ATP8B1: variants seen among roughly 807,000 people sequenced by gnomAD.
ATP8B1 encodes phospholipid-transporting ATPase IC.
Under a neutral mutation model 149.9 loss-of-function variants are expected in ATP8B1, and 80 were observed. The ratio of observed to expected loss-of-function variants is 0.53; its 90% CI spans 0.45 to 0.64. The LOEUF is 0.64. Ranked by LOEUF, ATP8B1 falls within the 30% of genes least tolerant of loss-of-function variation. The probability of loss-of-function intolerance (pLI) is 0.00; values close to 1 mark genes in which losing one functional copy is unlikely to be tolerated. For synonymous variants in ATP8B1, 536 were observed against 562.8 expected (o/e 0.95, Z 0.67); for missense variants, 1,247 against 1,552.6 (o/e 0.80, Z 3.31).
At position 57,769,488 on chromosome 18, in the gene ATP8B1, C is replaced by G. The variant is rs565888058; in HGVS notation, c.-26+33510G>C. ...AAAATCAAGACCCACCAGCAAGAAA[C>G]TCAGTGCAAGGCTCCTTGGAGGTGC... On this transcript the variant is annotated intron_variant, in intron 1 of 27. Coordinates refer to ENST00000648908, the MANE Select transcript of ATP8B1 (RefSeq NM_001374385.1). Among the ~76,000 whole-genome samples the G allele has an allele frequency of 6.6e-5, 10 of 152,324 alleles. No homozygotes were observed. The South Asian group carries it at 2.1e-3, about 32-fold the overall frequency.
chr18:57,695,856 A>G (rs898980613), intron 8 of ATP8B1, among the ~76,000 whole-genome samples: 1 of 152,232 alleles, frequency 6.6e-6, no homozygotes, highest in African/African-American at 2.4e-5. Flanking sequence ...TTGAAAATGT[A>G]GTGTCTAATA....
At chr18:57,676,063 C>G (rs974395777) in intron 15 of ATP8B1, among the ~76,000 whole-genome samples, 2 of 152,318 alleles carry the variant, frequency 1.3e-5, no homozygotes, top group African/African-American at 4.8e-5. Context: ...CCAGAGAACA[C>G]TGATAATTTT....
chr18:57,659,140 G>A (rs930303213), intron 22 of ATP8B1, among the ~76,000 whole-genome samples: 5 of 152,140 alleles, frequency 3.3e-5, no homozygotes, highest in South Asian at 2.1e-4. Flanking sequence ...GCTGGGCATG[G>A]TGGCTCATGC....
At chr18:57,701,990 G>T (rs987669804) in intron 4 of ATP8B1, among the ~76,000 whole-genome samples, 1 of 152,182 alleles carries the variant, frequency 6.6e-6, no homozygotes, top group Non-Finnish European at 1.5e-5. Context: ...GAGCCACCGT[G>T]CCTGGCCAAA....
At position 57,661,382 on chromosome 18, in the gene ATP8B1, C is replaced by CCGT. The variant is rs757514315; in HGVS notation, c.2496_2498dup (p.Arg833dup). 1 of 1,613,934 alleles carries CCGT rather than the reference C, an allele frequency of 6.2e-7. No homozygotes were observed. Among genetic ancestry groups the CCGT allele is most frequent in the South Asian group, 1.1e-5 (1 of 91,056 alleles). On this transcript the variant is annotated inframe_insertion, in exon 22 of 28. Coordinates refer to ENST00000648908, the MANE Select transcript of ATP8B1 (RefSeq NM_001374385.1). ...GCCTCCTTTTACTTTGGGTCCGCAT[C>CCGT]CGTCTTTCTTCTTCTGTTCTTGGGA... is the stretch of plus-strand genomic sequence containing the variant.
Position 57,661,451 on chromosome 18 carries a change from A to G in ATP8B1, c.2430T>C (p.Leu810=), listed in dbSNP as rs1160604326. 1 of 1,613,372 alleles carries G rather than the reference A, an allele frequency of 6.2e-7. No individual in the cohort carries two copies. Among genetic ancestry groups the G allele is most frequent in the Admixed American group, 1.7e-5 (1 of 59,924 alleles). Residue 810 remains leucine (L), a synonymous_variant, in exon 22 of 28, where the codon CTT becomes CTC. Coordinates refer to ENST00000648908, the MANE Select transcript of ATP8B1 (RefSeq NM_001374385.1). Reference sequence around the variant, plus strand: ...TATTTCTCTTGGTCTTTTTCTCGAGAAGAATTTCATTCTGTGAAATCAGAG... The same window carrying G: ...TATTTCTCTTGGTCTTTTTCTCGAGGAGAATTTCATTCTGTGAAATCAGAG... ...IITGSWLNEI[L]LEKKTKRNKI...
intron 1 of ATP8B1, among the ~76,000 whole-genome samples, chr18:57,760,317 T>C (rs2080136395): frequency 1.3e-5 from 2 of 152,180 alleles, no homozygotes; most frequent in African/African-American, 2.4e-5. Flanking sequence ...CCTGGGTGGA[T>C]GAGATACTTG....
intron 1 of ATP8B1, among the ~76,000 whole-genome samples, chr18:57,738,672 A>G (rs2079882715): frequency 6.6e-6 from 1 of 152,004 alleles, no homozygotes; most frequent in African/African-American, 2.4e-5. Context: ...ATAAAACAGT[A>G]AAGCCAGTCG....
chr18:57,768,501 C>T (rs2080237244), intron 1 of ATP8B1, among the ~76,000 whole-genome samples: 1 of 140,134 alleles, frequency 7.1e-6, no homozygotes, highest in African/African-American at 2.7e-5. Flanking sequence ...TCTGTAAATC[C>T]TAAAAATAAC....
intron 1 of ATP8B1, among the ~76,000 whole-genome samples, chr18:57,748,174 G>A (rs555277508): frequency 6.6e-6 from 1 of 152,266 alleles, no homozygotes; most frequent in African/African-American, 2.4e-5. Context: ...TTTACAGAGA[G>A]CTAACTATGT....
chr18:57,712,107 T>G (rs142206880), intron 2 of ATP8B1, among the ~76,000 whole-genome samples: 2,045 of 151,282 alleles, frequency 0.014, 47 homozygotes, highest in African/African-American at 0.046. Flanking sequence ...AAATAGAAGC[T>G]CGCACGAATT....
chr18:57,792,906 C>T (rs2080477920), intron 1 of ATP8B1, among the ~76,000 whole-genome samples: 1 of 152,086 alleles, frequency 6.6e-6, no homozygotes, highest in African/African-American at 2.4e-5. Context: ...GCAGCAGCAG[C>T]CCTGGCAGGA....
At chr18:57,720,838 C>G (rs200953090) in intron 2 of ATP8B1, among the ~76,000 whole-genome samples, 8 of 151,776 alleles carry the variant, frequency 5.3e-5, no homozygotes, top group Non-Finnish European at 8.8e-5. Context: ...GTTAAGGGCA[C>G]CCAGAGAGAA....
intron 2 of ATP8B1, among the ~76,000 whole-genome samples, chr18:57,712,870 C>G (rs1385210275): frequency 1.3e-5 from 2 of 151,968 alleles, no homozygotes; most frequent in African/African-American, 4.8e-5. Context: ...TCCCAGACAA[C>G]ATTTCTAGAC....
At position 57,691,905 on chromosome 18, in the gene ATP8B1, A is replaced by T; in HGVS notation, c.1122T>A (p.Tyr374Ter). ...AGGAGGGTGTATCGTCTTCTCCATC[A>T]TAGAGGTACCAAGAGGAATTGCCCA... ...AQVGNSSWYL[Y>*]DGEDDTPSYR... is the part of the protein sequence containing the mutation. The change falls in exon 12 of 28, where the codon TAT becomes TAA. Residue 374 changes from tyrosine to a stop codon, truncating the protein, a stop_gained. Coordinates refer to ENST00000648908, the MANE Select transcript of ATP8B1 (RefSeq NM_001374385.1). LOFTEE classifies it high-confidence loss of function. 1 of 1,614,198 alleles carries T rather than the reference A, an allele frequency of 6.2e-7. No individual in the cohort carries two copies. The highest frequency in any genetic ancestry group is 8.5e-7 in the Non-Finnish European group (1 of 1,180,028).
chr18:57,744,044 G>A (rs2079942281), intron 1 of ATP8B1, among the ~76,000 whole-genome samples: 2 of 152,120 alleles, frequency 1.3e-5, no homozygotes, highest in Non-Finnish European at 2.9e-5. Flanking sequence ...GCCGAACGCG[G>A]TGGCTCACAC....
chr18:57,793,511 A>G (rs146233174), intron 1 of ATP8B1, among the ~76,000 whole-genome samples: 3 of 152,190 alleles, frequency 2.0e-5, no homozygotes, highest in Non-Finnish European at 2.9e-5. Flanking sequence ...GCACTGAGCC[A>G]TCTTCCAAGA....
At chr18:57,662,368 T>A (rs1360347584) in intron 21 of ATP8B1, 115 bp downstream of exon 21, 4 of 1,291,890 alleles carry the variant, frequency 3.1e-6, no homozygotes, top group Admixed American at 1.9e-5. Context: ...CACACTTTCA[T>A]GTATAGGCTA....
intron 24 of ATP8B1, among the ~76,000 whole-genome samples, chr18:57,653,351 C>T (rs560068084): frequency 7.2e-6 from 1 of 138,652 alleles, no homozygotes; most frequent in Non-Finnish European, 1.5e-5. Context: ...GTGGCACAAA[C>T]ACAACTCACT....
Sources: allele counts gnomAD v4.1 joint callset (sites outside exome capture counted in the v4.1 genomes callset), GRCh38; gene constraint gnomAD v4.1.1; transcripts MANE v1.5; gene names NCBI Gene and HGNC (gene_info 2026-07-23, HGNC 2026-07-21).